The following ZNF74 variants were observed in gnomAD, a reference collection of about 807,000 sequenced individuals.
ZNF74 encodes zinc finger protein 74.
In ZNF74, 12 loss-of-function variants were observed where a neutral mutation model predicts 17.7. The ratio of observed to expected loss-of-function variants is 0.68; its 90% confidence interval spans 0.43 to 1.10. The LOEUF is 1.10. Among genes scored for constraint, ZNF74 ranks in the 50% least tolerant of loss-of-function variants. ZNF74 has a pLI of 0.00. For synonymous variants in ZNF74, 358 were observed against 362.1 expected, an observed-to-expected ratio of 0.99 and a Z score of 0.13; for missense variants, 811 against 881.0, an observed-to-expected ratio of 0.92 and a Z score of 1.01.
chr22:20,402,071 A>G (rs1419784426), intron 4 of ZNF74, among the ~76,000 whole-genome samples: 5 of 152,222 alleles, frequency 3.3e-5, no homozygotes, highest in African/African-American at 1.2e-4. Context: ...AATAAGTGGT[A>G]AATTCGGCTT....
In ZNF74 at chr22:20,405,861, C is replaced by T. The variant is rs762294533; in HGVS notation, c.828C>T (p.Tyr276=). The part of the protein sequence containing the change: ...HRRWHSREKA[Y]KCDECGKAFT... ...GCTGGCACAGCCGGGAGAAGGCTTACAAGTGCGATGAATGCGGCAAGGCCT... is the reference window on the plus strand; with the variant it reads ...GCTGGCACAGCCGGGAGAAGGCTTATAAGTGCGATGAATGCGGCAAGGCCT... Residue 276 remains tyrosine (Y), a synonymous_variant, in exon 5 of 5, where the codon TAC becomes TAT. Transcript: ENST00000400451. 2.5e-6 allele frequency: 4 copies of T among 1,613,644 alleles called. No individual in the cohort carries two copies. The Admixed American group carries it at 6.7e-5, about 27-fold the overall frequency.
At position 20,401,771 on chromosome 22, in the gene ZNF74, T is replaced by A. The variant is rs2052360706; in HGVS notation, c.343+399T>A. Among the ~76,000 whole-genome samples, 1 of 152,050 alleles carries A rather than the reference T, an allele frequency of 6.6e-6. No individual in the cohort carries two copies. Among genetic ancestry groups the A allele is most frequent in the African/African-American group, 2.4e-5 (1 of 41,368 alleles). On this transcript the variant is annotated intron_variant, in intron 4 of 4. Coordinates refer to ENST00000400451, the MANE Select transcript of ZNF74 (RefSeq NM_003426.4). This position sits in a 1 kb window ranked among gnomAD's most constrained non-coding sequence, Gnocchi z 4.2. ...ATCAGCATCAGGGCCAGCGTCAGCG[T>A]CAGGGTCAGAGCCAGCATCAGTGTC...
chr22:20,403,339 A>G (rs73879348), intron 4 of ZNF74, among the ~76,000 whole-genome samples: 4,976 of 150,288 alleles, frequency 0.033, 185 homozygotes, highest in African/African-American at 0.094. Context: ...CTCCTCCTTT[A>G]TAAAAGCTTC....
rs1037455539 is a variant in ZNF74, at chr22:20,405,954, C to T, written c.921C>T (p.Gly307=). Residue 307 remains glycine (G), a synonymous_variant, in exon 5 of 5, where the codon GGC becomes GGT. Transcript: ENST00000400451. ...IHTGEKPFFC[G]ECGKAFSCHS... is the part of the protein sequence containing the mutation. ...CCGGCGAGAAGCCCTTCTTCTGCGG[C>T]GAGTGCGGGAAGGCCTTCAGCTGCC... 10 of 1,613,688 alleles carry T rather than the reference C, an allele frequency of 6.2e-6. No homozygotes were observed. In the Admixed American group the frequency reaches 1.3e-4, roughly 22 times the overall value.
Position 20,401,192 on chromosome 22 carries a change from A to G in ZNF74, c.248-85A>G. The G allele has an allele frequency of 1.2e-6, 1 of 853,068 alleles. No individual in the cohort carries two copies. Among genetic ancestry groups the G allele is most frequent in the East Asian group, 2.7e-5 (1 of 37,692 alleles). The allele number at this position is 853,068 out of a possible 1,614,324, so 52.8% of individuals were successfully genotyped here. ...CAGAGAGGGTGTCCACTTCACAGGC[A>G]TTGTCCTTGTTAGGGGGCGGCCTGT... On this transcript the variant is annotated intron_variant, in intron 3 of 4. Transcript: ENST00000400451. This position sits in a 1 kb window ranked among gnomAD's most constrained non-coding sequence, Gnocchi z 4.2.
intron 2 of ZNF74, among the ~76,000 whole-genome samples, chr22:20,397,446 G>A (rs2052307640): frequency 6.6e-6 from 1 of 152,164 alleles, no homozygotes; most frequent in Non-Finnish European, 1.5e-5. Flanking sequence ...ATTTGATGAG[G>A]TTGAGCAAAC....
intron 2 of ZNF74, among the ~76,000 whole-genome samples, chr22:20,396,787 C>G (rs1049768881): frequency 6.6e-6 from 1 of 152,210 alleles, no homozygotes; most frequent in African/African-American, 2.4e-5. Flanking sequence ...CCTGGGACAT[C>G]TTGTGTGGTC....
At chr22:20,396,182 AT>A (rs370825766) in intron 2 of ZNF74, among the ~76,000 whole-genome samples, 131 of 148,074 alleles carry the variant, frequency 8.8e-4, no homozygotes, top group Middle Eastern at 3.5e-3. Context: ...TTTTTTTAGC[AT>A]TTTGTGATTT....
chr22:20,401,604 A>C lies in ZNF74; in HGVS notation c.343+232A>C, dbSNP rs1170215517. Among the ~76,000 whole-genome samples, 2 of 152,150 alleles carry C rather than the reference A, an allele frequency of 1.3e-5. No individual in the cohort carries two copies. The highest frequency in any genetic ancestry group is 4.8e-5 in the African/African-American group (2 of 41,430). On this transcript the variant is annotated intron_variant, in intron 4 of 4. Coordinates refer to ENST00000400451, the MANE Select transcript of ZNF74 (RefSeq NM_003426.4). This position sits in a 1 kb window ranked among gnomAD's most constrained non-coding sequence, Gnocchi z 4.2. ...ACCTGGCCACTGGGACCAAATGGTC[A>C]CCTGCTGATGGGGATGGGGAGGCAG...
rs954354015 is a variant in ZNF74, at chr22:20,406,810, C to T, written c.1777C>T (p.Leu593Phe). 6.2e-7 allele frequency: 1 copy of T among 1,613,996 alleles called. No homozygotes were observed. Among genetic ancestry groups the T allele is most frequent in the Admixed American group, 1.7e-5 (1 of 60,010 alleles). ...PLAIQFNKHL[L>F]STYYVPGSLL... ...GGCCATCCAGTTCAACAAACACCTGCTCAGCACATACTACGTGCCTGGCAG... is the reference window on the plus strand; with the variant it reads ...GGCCATCCAGTTCAACAAACACCTGTTCAGCACATACTACGTGCCTGGCAG... Residue 593 changes from leucine (L) to phenylalanine (F), a missense_variant, in exon 5 of 5, where the codon CTC becomes TTC. By Grantham distance (22) the Leu-to-Phe change is conservative (BLOSUM62 0). Transcript: ENST00000400451.
Position 20,406,852 on chromosome 22 carries a change from G to T in ZNF74, c.1819G>T (p.Asp607Tyr). The T allele has an allele frequency of 6.2e-7, 1 of 1,614,116 alleles. No individual in the cohort carries two copies. Among genetic ancestry groups the T allele is most frequent in the Non-Finnish European group, 8.5e-7 (1 of 1,180,034 alleles). Residue 607 changes from aspartate to tyrosine, a missense_variant, in exon 5 of 5, where the codon GAT becomes TAT. Coordinates refer to ENST00000400451, the MANE Select transcript of ZNF74 (RefSeq NM_003426.4). ...YVPGSLLGAG[D>Y]AGLRDVDPID... is the part of the protein sequence containing the mutation. ...GCCTGGCAGCCTGCTGGGTGCAGGG[G>T]ATGCTGGACTGAGGGACGTGGATCC...
At chr22:20,400,856 G>GAT in intron 3 of ZNF74, 98 bp downstream of exon 3, 1 of 1,431,344 alleles carries the variant, frequency 7.0e-7, no homozygotes, top group East Asian at 2.3e-5. Flanking sequence ...CCTGGTGCCA[G>GAT]ATATATCATG....
chr22:20,397,787 C>G (rs1263013908), intron 2 of ZNF74, among the ~76,000 whole-genome samples: 1 of 152,096 alleles, frequency 6.6e-6, no homozygotes, highest in African/African-American at 2.4e-5. Context: ...GCTTAAATGA[C>G]AGAAATGTAT....
chr22:20,404,252 G>T (rs1218085412), intron 4 of ZNF74, among the ~76,000 whole-genome samples: 1 of 152,198 alleles, frequency 6.6e-6, no homozygotes, highest in Non-Finnish European at 1.5e-5. Context: ...CTCCCCCTTT[G>T]ACAGAGGAGA....
chr22:20,407,093 C>A lies in ZNF74; in HGVS notation c.*125C>A. On this transcript the variant is annotated 3_prime_UTR_variant, in exon 5 of 5. Coordinates refer to ENST00000400451, the MANE Select transcript of ZNF74 (RefSeq NM_003426.4). ...GTGTGGGAGCCTTGCCTTATCACCCCCATCAGGTCTGCATGCCAGGGTGCC... is the reference window on the plus strand; with the variant it reads ...GTGTGGGAGCCTTGCCTTATCACCCACATCAGGTCTGCATGCCAGGGTGCC... The A allele has an allele frequency of 2.1e-6, 3 of 1,426,600 alleles. No individual in the cohort carries two copies. The highest frequency in any genetic ancestry group is 2.4e-4 in the Middle Eastern group (1 of 4,176). The allele number at this position is 1,426,600 out of a possible 1,614,324, so 88.4% of individuals were successfully genotyped here.
Position 20,394,609 on chromosome 22 carries a change from G to A in ZNF74, c.-20G>A, listed in dbSNP as rs1440516889. On this transcript the variant is annotated 5_prime_UTR_variant, in exon 1 of 5. Coordinates refer to ENST00000400451, the MANE Select transcript of ZNF74 (RefSeq NM_003426.4). ...GCTACACAGCTGCCCACTCCTCCTG[G>A]GGAGGCTGCCGTGGAGGCCATGGAG... 10 of 1,613,960 alleles carry A rather than the reference G, an allele frequency of 6.2e-6. No homozygotes were observed. Among genetic ancestry groups the A allele is most frequent in the African/African-American group, 4.0e-5 (3 of 74,940 alleles).
At position 20,401,404 on chromosome 22, in the gene ZNF74, C is replaced by A; in HGVS notation, c.343+32C>A. The A allele has an allele frequency of 7.1e-7, 1 of 1,406,558 alleles. No homozygotes were observed. The highest frequency in any genetic ancestry group is 9.9e-7 in the Non-Finnish European group (1 of 1,009,386). The allele number at this position is 1,406,558 out of a possible 1,614,324, so 87.1% of individuals were successfully genotyped here. ...AGAGGCACAGGTGGAAGGGTGCCAGCCCCAGCACCCCTGGTGGCACCTCCT... is the reference window on the plus strand; with the variant it reads ...AGAGGCACAGGTGGAAGGGTGCCAGACCCAGCACCCCTGGTGGCACCTCCT... On this transcript the variant is annotated intron_variant, in intron 4 of 4. Transcript: ENST00000400451. The surrounding 1 kb of genome is among the most constrained non-coding windows in gnomAD (Gnocchi z 4.2).
At chr22:20,400,372 GCC>G in intron 2 of ZNF74, 1 of 463,594 alleles carries the variant, frequency 2.2e-6, no homozygotes, top group Non-Finnish European at 4.0e-6. Flanking sequence ...ACCGCAAGTT[GCC>G]AGGGCCCTGT....
Position 20,394,749 on chromosome 22 carries a change from A to G in ZNF74, c.34+87A>G. 2.3e-6 allele frequency: 3 copies of G among 1,308,592 alleles called. 1 individual carries two copies. In the South Asian group the frequency reaches 3.9e-5, roughly 17 times the overall value. The allele number at this position is 1,308,592 out of a possible 1,614,324, so 81.1% of individuals were successfully genotyped here. The stretch of plus-strand genomic sequence containing the variant: ...AGAGAGATCAGGCCAGTTTCCCAGA[A>G]GCATCCAGCATCTTTTTTTTTTTTT... On this transcript the variant is annotated intron_variant, in intron 1 of 4. Coordinates refer to ENST00000400451, the MANE Select transcript of ZNF74 (RefSeq NM_003426.4).
Sources: gnomAD v4.1 joint callset for allele counts (sites outside exome capture counted in the v4.1 genomes callset) on GRCh38, gnomAD v4.1.1 for gene constraint, Gnocchi (gnomAD v3.1) non-coding constraint, MANE v1.5 for transcripts, NCBI Gene and HGNC (gene_info 2026-07-23, HGNC 2026-07-21) for gene names.